TMCC1: variants seen among roughly 807,000 people sequenced by gnomAD.
TMCC1 encodes transmembrane and coiled-coil domains protein 1.
TMCC1 carries 15 observed loss-of-function variants against 52.4 expected under a neutral mutation model. The ratio of observed to expected loss-of-function variants is 0.29; its 90% confidence interval spans 0.19 to 0.44. The LOEUF (loss-of-function observed/expected upper bound fraction) is 0.44. TMCC1 is among the 20% of genes least tolerant of loss of function. The probability of loss-of-function intolerance (pLI) is 1.00; values close to 1 mark genes in which losing one functional copy is unlikely to be tolerated. For synonymous variants in TMCC1, 279 were observed against 301.9 expected (o/e 0.92, Z 0.79); for missense variants, 503 against 806.0 (o/e 0.62, Z 4.55).
At chr3:129,838,308 G>A (rs999147430) in intron 2 of TMCC1, among the ~76,000 whole-genome samples, 1 of 152,070 alleles carries the variant, frequency 6.6e-6, no homozygotes, top group Non-Finnish European at 1.5e-5. Context: ...TGAGAAGCCT[G>A]GGCCCTGGGA....
rs559679813 is a variant in TMCC1, at chr3:129,735,144, G to A, written c.577-63880C>T. On this transcript the variant is annotated intron_variant, in intron 4 of 6. Coordinates refer to ENST00000393238, the MANE Select transcript of TMCC1 (RefSeq NM_001017395.5). Reference sequence around the variant, plus strand: ...TCTCTATCTCCTGACCTCATGACCCGCCCGCCTTGGCCTCCCAAAGTGTTG... The same window carrying A: ...TCTCTATCTCCTGACCTCATGACCCACCCGCCTTGGCCTCCCAAAGTGTTG... 1.6e-4 allele frequency among the ~76,000 whole-genome samples: 25 copies of A among 152,082 alleles called. 1 individual carries two copies. The East Asian group carries it at 2.7e-3, about 16-fold the overall frequency.
At chr3:129,704,575 C>A (rs577842226) in intron 4 of TMCC1, among the ~76,000 whole-genome samples, 1 of 152,106 alleles carries the variant, frequency 6.6e-6, no homozygotes, top group South Asian at 2.1e-4. Context: ...CATGCCACGA[C>A]GCCCGGCTAA....
At chr3:129,849,512 C>G (rs561176805) in intron 2 of TMCC1, among the ~76,000 whole-genome samples, 1 of 147,898 alleles carries the variant, frequency 6.8e-6, no homozygotes. Context: ...CGCCTGTAAC[C>G]CCAGCACTTC....
intron 4 of TMCC1, among the ~76,000 whole-genome samples, chr3:129,744,439 C>T (rs776506887): frequency 3.3e-5 from 5 of 151,668 alleles, no homozygotes; most frequent in Non-Finnish European, 7.4e-5. Context: ...AGGCGTGAGG[C>T]ACCGCACCCA....
intron 4 of TMCC1, among the ~76,000 whole-genome samples, chr3:129,768,677 AAAATATAACAC>A (rs774327430): frequency 9.8e-4 from 150 of 152,366 alleles, no homozygotes; most frequent in Non-Finnish European, 1.8e-3. Flanking sequence ...AAATGAGGAT[AAAATATAACAC>A]TGCTATTTAT....
intron 4 of TMCC1, among the ~76,000 whole-genome samples, chr3:129,812,692 T>G (rs1403864769): frequency 6.6e-6 from 1 of 152,108 alleles, no homozygotes; most frequent in Non-Finnish European, 1.5e-5. Context: ...ATTTAAGACT[T>G]AAATCTAAAA....
chr3:129,798,524 CAAAAA>C (rs796919072), intron 4 of TMCC1, among the ~76,000 whole-genome samples: 4,425 of 67,882 alleles, frequency 0.065, 216 homozygotes, highest in African/African-American at 0.19. Context: ...TCTTCCTATC[CAAAAA>C]AAAAAAAAAA....
At chr3:129,766,326 T>TTTCATTCA (rs201966874) in intron 4 of TMCC1, among the ~76,000 whole-genome samples, 41 of 152,232 alleles carry the variant, frequency 2.7e-4, no homozygotes, top group African/African-American at 9.2e-4. Context: ...TTTCTGAGCA[T>TTTCATTCA]TTCATTCATT....
At chr3:129,664,552 T>C (rs1041999276) in intron 5 of TMCC1, among the ~76,000 whole-genome samples, 5 of 152,210 alleles carry the variant, frequency 3.3e-5, no homozygotes, top group African/African-American at 1.2e-4. Flanking sequence ...CGATTTCCAA[T>C]GGACAGTAAT....
intron 4 of TMCC1, among the ~76,000 whole-genome samples, chr3:129,747,951 T>C (rs1003916926): frequency 3.3e-5 from 5 of 152,206 alleles, no homozygotes; most frequent in African/African-American, 1.2e-4. Flanking sequence ...AGGAAACTCC[T>C]TGGAAATATC....
At position 129,838,225 on chromosome 3, in the gene TMCC1, G is replaced by A. The variant is rs1449330691; in HGVS notation, c.-183-5399C>T. Reference sequence around the variant, plus strand: ...CAGGAGACCAGCCTGGGCAGCATAGGGAGACCTCATCCCTAAAAATAAACA... The same window carrying A: ...CAGGAGACCAGCCTGGGCAGCATAGAGAGACCTCATCCCTAAAAATAAACA... On this transcript the variant is annotated intron_variant, in intron 2 of 6. Coordinates refer to ENST00000393238, the MANE Select transcript of TMCC1 (RefSeq NM_001017395.5). Among the ~76,000 whole-genome samples the A allele has an allele frequency of 2.6e-5, 4 of 151,908 alleles. No individual in the cohort carries two copies. The East Asian group carries it at 7.8e-4, about 30-fold the overall frequency.
intron 4 of TMCC1, among the ~76,000 whole-genome samples, chr3:129,718,639 T>C (rs1012098814): frequency 6.6e-6 from 1 of 152,234 alleles, no homozygotes; most frequent in Non-Finnish European, 1.5e-5. Flanking sequence ...CTGCTGCGGT[T>C]GCCTGCCATT....
At chr3:129,877,943 T>A (rs1486878944) in intron 2 of TMCC1, among the ~76,000 whole-genome samples, 3 of 140,992 alleles carry the variant, frequency 2.1e-5, no homozygotes, top group South Asian at 2.3e-4. Flanking sequence ...GCTTTTTTTT[T>A]AATGTTTTTA....
chr3:129,704,776 C>G (rs1226014764), intron 4 of TMCC1, among the ~76,000 whole-genome samples: 1 of 152,084 alleles, frequency 6.6e-6, no homozygotes, highest in Non-Finnish European at 1.5e-5. Context: ...TTTAAGGACT[C>G]CAACCTCATA....
intron 4 of TMCC1, among the ~76,000 whole-genome samples, chr3:129,775,985 C>T (rs1187356075): frequency 6.6e-6 from 1 of 151,290 alleles, no homozygotes; most frequent in Non-Finnish European, 1.5e-5. Context: ...TTATCAATTA[C>T]TCTCACATTA....
chr3:129,732,998 A>G (rs2050664341), intron 4 of TMCC1, among the ~76,000 whole-genome samples: 2 of 152,168 alleles, frequency 1.3e-5, no homozygotes, highest in African/African-American at 4.8e-5. Context: ...AAGCCTGAGG[A>G]TATGAGAGAG....
chr3:129,836,742 G>A (rs2059177250), intron 2 of TMCC1, among the ~76,000 whole-genome samples: 1 of 152,218 alleles, frequency 6.6e-6, no homozygotes, highest in African/African-American at 2.4e-5. Context: ...AACTGCTGAA[G>A]ACTGAATGTA....
chr3:129,695,084 G>T (rs562416643), intron 4 of TMCC1, among the ~76,000 whole-genome samples: 1 of 98,566 alleles, frequency 1.0e-5, no homozygotes, highest in African/African-American at 4.0e-5. Flanking sequence ...GCGACAGAGC[G>T]AGACTCTGTC....
chr3:129,872,684 A>G (rs2060986542), intron 2 of TMCC1, among the ~76,000 whole-genome samples: 1 of 152,176 alleles, frequency 6.6e-6, no homozygotes, highest in South Asian at 2.1e-4. Flanking sequence ...GGGAGGCTGA[A>G]AAGCCAACAT....
Sources: allele counts gnomAD v4.1 joint callset (sites outside exome capture counted in the v4.1 genomes callset), GRCh38; gene constraint gnomAD v4.1.1; transcripts MANE v1.5; gene names NCBI Gene and HGNC (gene_info 2026-07-23, HGNC 2026-07-21).